Variants in NDST1 observed in about 807,000 individuals in gnomAD.
The protein encoded by NDST1 is bifunctional heparan sulfate N-deacetylase/N-sulfotransferase 1.
Under a neutral mutation model 92.8 loss-of-function variants are expected in NDST1, and 35 were observed. The ratio of observed to expected loss-of-function variants is 0.38; its 90% CI spans 0.29 to 0.50. NDST1 has a LOEUF of 0.50. Among genes scored for constraint, NDST1 ranks in the 20% least tolerant of loss-of-function variants. The pLI is 0.94. For missense variants in NDST1, 822 were observed against 1,182.7 expected (o/e 0.69, Z 4.47); for synonymous variants, 493 against 500.3 (o/e 0.99, Z 0.19).
intron 7 of NDST1, 184 bp downstream of exon 7, chr5:150,539,540 A>C: frequency 6.9e-7 from 1 of 1,459,024 alleles, no homozygotes; most frequent in Admixed American, 2.7e-5. Flanking sequence ...AAAGAATCCG[A>C]GCATGCTTTT....
Position 150,548,297 on chromosome 5 carries a change from C to T in NDST1, c.2225C>T (p.Ser742Leu), listed in dbSNP as rs977524041. ...ATTACCGCCGGCTCTGACGCATCCTCGAAGCTGCGTGCCCTCCAGAACCGC... is the reference window on the plus strand; with the variant it reads ...ATTACCGCCGGCTCTGACGCATCCTTGAAGCTGCGTGCCCTCCAGAACCGC... ...EVITAGSDAS[S>L]KLRALQNRCL... The change falls in exon 12 of 15, where the codon TCG (serine) becomes TTG (leucine). Residue 742 changes from serine to leucine, a missense_variant. Physicochemically the swap from Ser to Leu is moderately radical, Grantham distance 145. Coordinates refer to ENST00000261797, the MANE Select transcript of NDST1 (RefSeq NM_001543.5). 8.1e-6 allele frequency: 13 copies of T among 1,614,046 alleles called. No homozygotes were observed. The East Asian group carries it at 8.9e-5, about 11-fold the overall frequency.
At chr5:150,511,807 A>C (rs757012299) in intron 1 of NDST1, among the ~76,000 whole-genome samples, 1 of 151,972 alleles carries the variant, frequency 6.6e-6, no homozygotes, top group African/African-American at 2.4e-5. Context: ...CCTCCCAGGG[A>C]TGTAATCACG....
intron 1 of NDST1, among the ~76,000 whole-genome samples, chr5:150,499,511 T>A (rs1004734403): frequency 6.6e-6 from 1 of 152,244 alleles, no homozygotes; most frequent in Non-Finnish European, 1.5e-5. Flanking sequence ...ATCACCTTTG[T>A]GTCCCTCGAA....
chr5:150,521,860 C>G lies in NDST1; in HGVS notation c.513+93C>G. 1 of 1,537,522 alleles carries G rather than the reference C, an allele frequency of 6.5e-7. No individual in the cohort carries two copies. Among genetic ancestry groups the G allele is most frequent in the South Asian group, 1.1e-5 (1 of 88,856 alleles). On this transcript the variant is annotated intron_variant, in intron 2 of 14. Coordinates refer to ENST00000261797, the MANE Select transcript of NDST1 (RefSeq NM_001543.5). This position sits in a 1 kb window ranked among gnomAD's most constrained non-coding sequence, Gnocchi z 5.9. Reference sequence around the variant, plus strand: ...TTGTGAAATAGGTGTAATGGTAGCACCCGCCTCCTGGGGTTGTTGGGAGGG... The same window carrying G: ...TTGTGAAATAGGTGTAATGGTAGCAGCCGCCTCCTGGGGTTGTTGGGAGGG...
rs1755816410 is a variant in NDST1 at position 150,553,912 on chromosome 5, C to T, written c.*580C>T. ...TTCCTACCTTCACATCTCACCCTCC[C>T]GTTCTGGGGAAGAATTTCTGGTTCC... is the stretch of plus-strand genomic sequence containing the variant. On this transcript the variant is annotated 3_prime_UTR_variant, in exon 15 of 15. Transcript: ENST00000261797. This position sits in a 1 kb window ranked among gnomAD's most constrained non-coding sequence, Gnocchi z 4.2. 1.7e-5 allele frequency: 7 copies of T among 422,968 alleles called. No homozygotes were observed. The highest frequency in any genetic ancestry group is 2.1e-5 in the Non-Finnish European group (5 of 239,562). 26.2% of individuals were successfully genotyped at this position (422,968 alleles called of 1,614,324 possible). A position where few individuals can be genotyped will look rare whatever the true frequency, so the allele number is the denominator to read the frequency against.
intron 11 of NDST1, among the ~76,000 whole-genome samples, chr5:150,545,714 G>A (rs1444634427): frequency 3.3e-5 from 5 of 152,234 alleles, no homozygotes; most frequent in Admixed American, 3.3e-4. Flanking sequence ...GTGTCATGCG[G>A]GGTCCTGCCT....
intron 2 of NDST1, among the ~76,000 whole-genome samples, chr5:150,523,951 A>G (rs1395627363): frequency 1.3e-5 from 2 of 152,172 alleles, no homozygotes; most frequent in Non-Finnish European, 2.9e-5. Flanking sequence ...TCTGGTGGTC[A>G]AGGCACATCT....
rs141853068 is a variant in NDST1 at position 150,520,236 on chromosome 5, G to C, written c.-387-632G>C. ...CAGATTAGCTCACTGATGCTTTAAA[G>C]GTGTAATGGTCACCTGAGGCCTTCT... is the stretch of plus-strand genomic sequence containing the variant. On this transcript the variant is annotated intron_variant, in intron 1 of 14. Coordinates refer to ENST00000261797, the MANE Select transcript of NDST1 (RefSeq NM_001543.5). Among the ~76,000 whole-genome samples the C allele has an allele frequency of 3.3e-3, 500 of 152,262 alleles. 2 individuals carry two copies. Among genetic ancestry groups the C allele is most frequent in the African/African-American group, 0.012 (481 of 41,542 alleles).
intron 10 of NDST1, 115 bp from the exon 11 acceptor site, chr5:150,545,197 C>T (rs1755427061): frequency 8.1e-7 from 1 of 1,238,990 alleles, no homozygotes. Context: ...GGGAGCAAAG[C>T]TTCCCACTTG....
At chr5:150,501,973 G>A (rs185663865) in intron 1 of NDST1, among the ~76,000 whole-genome samples, 201 of 152,314 alleles carry the variant, frequency 1.3e-3, no homozygotes, top group Admixed American at 2.1e-3. Context: ...CAGGGCAAAG[G>A]CGCTGGAACT....
intron 10 of NDST1, among the ~76,000 whole-genome samples, chr5:150,543,861 C>A (rs893795389): frequency 1.8e-4 from 28 of 151,926 alleles, no homozygotes; most frequent in African/African-American, 6.8e-4. Flanking sequence ...CTTACTGCAA[C>A]CTCTGCTTCC....
intron 2 of NDST1, 32 bp from the exon 3 acceptor site, chr5:150,527,772 C>G: frequency 1.2e-6 from 2 of 1,610,980 alleles, no homozygotes. Flanking sequence ...TGTGACAGTT[C>G]TGTTCCCCTT....
At chr5:150,551,896 T>C in intron 14 of NDST1, 41 bp downstream of exon 14, 8 of 1,608,330 alleles carry the variant, frequency 5.0e-6, no homozygotes, top group Non-Finnish European at 6.8e-6. Flanking sequence ...TGCATAAGGG[T>C]AAGGGGTCCC....
intron 1 of NDST1, among the ~76,000 whole-genome samples, chr5:150,510,524 C>T (rs1036384309): frequency 3.3e-5 from 5 of 150,586 alleles, no homozygotes; most frequent in African/African-American, 1.3e-4. Context: ...GTCCTTGGGA[C>T]GGGAGGGTGG....
At chr5:150,507,578 G>A (rs1753516663), upstream of NDST1, 1 of 152,500 alleles carries the variant, frequency 6.6e-6, no homozygotes, top group Middle Eastern at 3.1e-3. Context: ...TTCTCTGCAG[G>A]GTGGGGCACA....
upstream of NDST1, among the ~76,000 whole-genome samples, chr5:150,505,095 G>C (rs1009451644): frequency 2.0e-5 from 3 of 152,218 alleles, no homozygotes; most frequent in Non-Finnish European, 4.4e-5. Flanking sequence ...AAAATGCTTT[G>C]CATCTGTGTA....
chr5:150,547,398 G>C (rs929788340), intron 11 of NDST1, among the ~76,000 whole-genome samples: 5 of 152,190 alleles, frequency 3.3e-5, no homozygotes, highest in African/African-American at 9.6e-5. Flanking sequence ...AGGGGAGGGG[G>C]TTGGCGGCTG....
chr5:150,551,724 C>T, intron 13 of NDST1, 29 bp from the exon 14 acceptor site: 1 of 1,609,992 alleles, frequency 6.2e-7, no homozygotes, highest in Non-Finnish European at 8.5e-7. Context: ...TGAGCCAGCT[C>T]CCATCCAAAG....
At chr5:150,549,562 T>A (rs1323201011) in intron 12 of NDST1, 116 bp from the exon 13 acceptor site, 1 of 716,894 alleles carries the variant, frequency 1.4e-6, no homozygotes, top group East Asian at 2.7e-5. Context: ...GAGGAGCCAG[T>A]TCTAGAGGGT....
Sources: allele counts gnomAD v4.1 joint callset (sites outside exome capture counted in the v4.1 genomes callset), GRCh38; gene constraint gnomAD v4.1.1; non-coding constraint Gnocchi (gnomAD v3.1); transcripts MANE v1.5; gene names NCBI Gene and HGNC (gene_info 2026-07-23, HGNC 2026-07-21).